PDE4D: variants seen among roughly 807,000 people sequenced by gnomAD.
PDE4D encodes the protein 3',5'-cyclic-AMP phosphodiesterase 4D.
PDE4D carries 24 observed loss-of-function variants against 87.4 expected under a neutral mutation model. The ratio of observed to expected loss-of-function variants is 0.27; its 90% CI spans 0.20 to 0.39. The LOEUF (loss-of-function observed/expected upper bound fraction) is 0.39. Among genes scored for constraint, PDE4D ranks in the 10% least tolerant of loss-of-function variants. PDE4D has a pLI of 1.00. For synonymous variants in PDE4D, 384 were observed against 383.2 expected (o/e 1.00, Z -0.02); for missense variants, 714 against 1,041.0 (o/e 0.69, Z 4.32).
chr5:59,414,164 C>T (rs916694850), intron 1 of PDE4D, among the ~76,000 whole-genome samples: 1 of 152,206 alleles, frequency 6.6e-6, no homozygotes, highest in African/African-American at 2.4e-5. Flanking sequence ...TCACTGAATG[C>T]CAGTGCACAC....
chr5:59,673,388 G>T (rs779888654), intron 1 of PDE4D, among the ~76,000 whole-genome samples: 2 of 152,194 alleles, frequency 1.3e-5, no homozygotes, highest in South Asian at 2.1e-4. Context: ...GAGACCTTCC[G>T]AATTACCTCT....
chr5:60,364,480 CTTAT>C (rs1760354206), intron 1 of PDE4D, among the ~76,000 whole-genome samples: 1 of 152,050 alleles, frequency 6.6e-6, no homozygotes, highest in South Asian at 2.1e-4. Flanking sequence ...TATTAAATAA[CTTAT>C]TTAATTGTAA....
intron 5 of PDE4D, among the ~76,000 whole-genome samples, chr5:59,138,777 G>C (rs1426178406): frequency 6.6e-6 from 1 of 152,158 alleles, no homozygotes; most frequent in Non-Finnish European, 1.5e-5. Flanking sequence ...ATTTTAGCTT[G>C]ATTACATTTT....
At chr5:60,070,858 C>T (rs1772637135) in intron 2 of PDE4D, among the ~76,000 whole-genome samples, 1 of 151,938 alleles carries the variant, frequency 6.6e-6, no homozygotes, top group Non-Finnish European at 1.5e-5. Context: ...AATATCTATA[C>T]TAGTTATAGG....
At chr5:59,036,996 AT>A (rs1758635231) in intron 6 of PDE4D, among the ~76,000 whole-genome samples, 1 of 148,706 alleles carries the variant, frequency 6.7e-6, no homozygotes, top group Non-Finnish European at 1.5e-5. Context: ...TGGGGCCTTC[AT>A]AATAAAGATT....
chr5:59,644,764 T>C (rs748022572), intron 1 of PDE4D, among the ~76,000 whole-genome samples: 3 of 152,216 alleles, frequency 2.0e-5, no homozygotes, highest in Non-Finnish European at 4.4e-5. Flanking sequence ...TCGAGGACTA[T>C]GCCGAAAAAC....
chr5:59,530,063 C>T (rs1324334677), intron 1 of PDE4D, among the ~76,000 whole-genome samples: 4 of 152,154 alleles, frequency 2.6e-5, no homozygotes, highest in Admixed American at 2.6e-4. Flanking sequence ...TCTACCAAGT[C>T]CAGGTGATAT....
chr5:59,335,773 G>A lies in PDE4D; in HGVS notation c.456-119805C>T, dbSNP rs373236121. Among the ~76,000 whole-genome samples the A allele has an allele frequency of 7.2e-5, 11 of 152,250 alleles. No homozygotes were observed. The East Asian group carries it at 1.4e-3, about 19-fold the overall frequency. ...GACTGCCTTTCATGTCCCTATCAAT[G>A]AATAGATTGCTAACTAACAATCAGG... On this transcript the variant is annotated intron_variant, in intron 1 of 14. Coordinates refer to ENST00000340635, the MANE Select transcript of PDE4D (RefSeq NM_001104631.2).
intron 1 of PDE4D, among the ~76,000 whole-genome samples, chr5:59,381,929 G>A (rs1172860284): frequency 6.6e-6 from 1 of 152,016 alleles, no homozygotes; most frequent in African/African-American, 2.4e-5. Flanking sequence ...AAAAACTAGG[G>A]GCTTAGAAAA....
chr5:59,480,474 C>G (rs760999778), intron 1 of PDE4D, among the ~76,000 whole-genome samples: 10 of 152,128 alleles, frequency 6.6e-5, no homozygotes, highest in Non-Finnish European at 1.3e-4. Flanking sequence ...CTATTTCCCA[C>G]TACCACCCAA....
chr5:60,098,057 T>C (rs1476507386), intron 2 of PDE4D, among the ~76,000 whole-genome samples: 3 of 151,916 alleles, frequency 2.0e-5, no homozygotes, highest in Non-Finnish European at 4.4e-5. Context: ...AAACTGAAAT[T>C]TTCCATTAAA....
intron 1 of PDE4D, among the ~76,000 whole-genome samples, chr5:59,500,284 T>C (rs1183751026): frequency 6.6e-6 from 1 of 152,128 alleles, no homozygotes; most frequent in Non-Finnish European, 1.5e-5. Flanking sequence ...TAAACCATTC[T>C]ACCAAAAAGA....
At chr5:59,382,521 G>C (rs1786085222) in intron 1 of PDE4D, among the ~76,000 whole-genome samples, 1 of 152,044 alleles carries the variant, frequency 6.6e-6, no homozygotes, top group African/African-American at 2.4e-5. Context: ...TTATCACTGT[G>C]TATATCACTC....
intron 3 of PDE4D, among the ~76,000 whole-genome samples, chr5:59,907,077 G>A (rs765184144): frequency 6.6e-5 from 10 of 152,088 alleles, no homozygotes; most frequent in African/African-American, 1.9e-4. Flanking sequence ...TGTCACTGGC[G>A]GGAACACGGA....
intron 2 of PDE4D, among the ~76,000 whole-genome samples, chr5:60,183,472 G>A (rs894883705): frequency 2.6e-5 from 4 of 152,138 alleles, no homozygotes; most frequent in African/African-American, 4.8e-5. Flanking sequence ...TGACTAAATG[G>A]TCTTCCAAGA....
chr5:59,653,777 A>G (rs1379591467), intron 1 of PDE4D, among the ~76,000 whole-genome samples: 1 of 152,112 alleles, frequency 6.6e-6, no homozygotes, highest in East Asian at 1.9e-4. Context: ...ATTCATTATA[A>G]TATCTATTTA....
intron 1 of PDE4D, among the ~76,000 whole-genome samples, chr5:59,733,401 T>A (rs1757652435): frequency 6.6e-6 from 1 of 152,154 alleles, no homozygotes; most frequent in African/African-American, 2.4e-5. Context: ...GAGAAGTCAG[T>A]CATGGAGACA....
intron 3 of PDE4D, among the ~76,000 whole-genome samples, chr5:59,920,397 CTGA>C (rs1434331807): frequency 6.6e-6 from 1 of 152,142 alleles, no homozygotes; most frequent in Non-Finnish European, 1.5e-5. Context: ...TGTGGAAATG[CTGA>C]TGTGTTGAAT....
Position 59,554,587 on chromosome 5 carries a change from A to C in PDE4D, c.455+338581T>G, listed in dbSNP as rs185859723. 2.0e-5 allele frequency among the ~76,000 whole-genome samples: 3 copies of C among 152,358 alleles called. No homozygotes were observed. In the East Asian group the frequency reaches 5.8e-4, roughly 29 times the overall value. ...GAATATGAATAAAAGCATTTGAAAG[A>C]GAAGGCTATGATTTCTCACACTATG... On this transcript the variant is annotated intron_variant, in intron 1 of 14. Transcript: ENST00000340635.
Sources: allele counts gnomAD v4.1 joint callset (sites outside exome capture counted in the v4.1 genomes callset), GRCh38; gene constraint gnomAD v4.1.1; transcripts MANE v1.5; gene names NCBI Gene and HGNC (gene_info 2026-07-23, HGNC 2026-07-21).